The following NFE2L3 variants were observed in gnomAD, a reference collection of about 807,000 sequenced individuals.
NFE2L3 encodes the protein nuclear factor erythroid 2-related factor 3.
A neutral mutation model predicts 23.5 loss-of-function variants in NFE2L3; 18 were observed. That is an observed-to-expected ratio of 0.77 (90% CI 0.53 to 1.13). The LOEUF (loss-of-function observed/expected upper bound fraction) is 1.13, where lower values mean the gene tolerates loss of function less well. NFE2L3 is among the 50% of genes most tolerant of loss of function. The probability of loss-of-function intolerance (pLI) is 0.00; values close to 1 mark genes in which losing one functional copy is unlikely to be tolerated. For missense variants in NFE2L3, 1,152 were observed against 877.2 expected (o/e 1.31, Z -3.96); for synonymous variants, 424 against 354.5 (o/e 1.20, Z -2.20).
chr7:26,182,926 C>CT (rs1782360637), intron 2 of NFE2L3, among the ~76,000 whole-genome samples: 1 of 152,140 alleles, frequency 6.6e-6, no homozygotes, highest in African/African-American at 2.4e-5. Flanking sequence ...CCCGGAGTAG[C>CT]TGGGACCACA....
chr7:26,181,067 C>T (rs1784498707), intron 2 of NFE2L3, among the ~76,000 whole-genome samples: 1 of 152,096 alleles, frequency 6.6e-6, no homozygotes, highest in South Asian at 2.1e-4. Flanking sequence ...GCCTAAACCT[C>T]CTGGGCTCAG....
intron 2 of NFE2L3, among the ~76,000 whole-genome samples, chr7:26,182,565 T>C (rs558564890): frequency 6.9e-5 from 10 of 145,340 alleles, no homozygotes; most frequent in Non-Finnish European, 1.0e-4. Flanking sequence ...GAGGCGGAGA[T>C]TGCAGTGAGC....
At chr7:26,160,154 T>C (rs1287647733) in intron 1 of NFE2L3, among the ~76,000 whole-genome samples, 1 of 152,096 alleles carries the variant, frequency 6.6e-6, no homozygotes, top group Non-Finnish European at 1.5e-5. Context: ...GACAAGGTCT[T>C]GCCATGCTGC....
rs571944254 is a variant in NFE2L3 at position 26,181,990 on chromosome 7, C to G, written c.751-1711C>G. Among the ~76,000 whole-genome samples the G allele has an allele frequency of 5.3e-5, 8 of 151,968 alleles. No homozygotes were observed. In the South Asian group the frequency reaches 1.0e-3, roughly 20 times the overall value. On this transcript the variant is annotated intron_variant, in intron 2 of 3. Coordinates refer to ENST00000056233, the MANE Select transcript of NFE2L3 (RefSeq NM_004289.7). Reference sequence around the variant, plus strand: ...TGATAGAAGAGAAAAATCTAAGTTACTTCTAATAGGAGTCCCAGAAGAAAC... The same window carrying G: ...TGATAGAAGAGAAAAATCTAAGTTAGTTCTAATAGGAGTCCCAGAAGAAAC...
chr7:26,153,135 T>G (rs1583923186), intron 1 of NFE2L3, 67 bp downstream of exon 1: 1 of 1,443,594 alleles, frequency 6.9e-7, no homozygotes, highest in South Asian at 1.4e-5. Flanking sequence ...GAGGCTTGTG[T>G]CGGATCTGAG....
Position 26,185,054 on chromosome 7 carries a change from C to A in NFE2L3, c.1356C>A (p.Asp452Glu). 1.2e-6 allele frequency: 2 copies of A among 1,613,694 alleles called. No homozygotes were observed. The highest frequency in any genetic ancestry group is 1.7e-6 in the Non-Finnish European group (2 of 1,179,686). The change falls in exon 4 of 4, where the codon GAC becomes GAA. Residue 452 changes from aspartate to glutamate, a missense_variant. Transcript: ENST00000056233. ...CDEGAIGYCT[D>E]HESSSHHDLE... ...AAGGTGCTATAGGTTATTGCACTGA[C>A]CATGAATCTAGTTCCCATCATGACT... is the stretch of plus-strand genomic sequence containing the variant.
At chr7:26,169,775 C>T (rs1176041287) in intron 1 of NFE2L3, among the ~76,000 whole-genome samples, 1 of 152,224 alleles carries the variant, frequency 6.6e-6, no homozygotes, top group East Asian at 1.9e-4. Context: ...TTTCTTCCCT[C>T]AGTCTGTGGA....
chr7:26,170,061 C>G (rs1420751764), intron 1 of NFE2L3, among the ~76,000 whole-genome samples: 1 of 152,122 alleles, frequency 6.6e-6, no homozygotes, highest in Non-Finnish European at 1.5e-5. Context: ...TGCTTGTTGC[C>G]CAGCCTAATG....
intron 1 of NFE2L3, among the ~76,000 whole-genome samples, chr7:26,175,964 C>G (rs551690011): frequency 6.7e-6 from 1 of 150,032 alleles, no homozygotes; most frequent in African/African-American, 2.5e-5. Context: ...CAGATAAACA[C>G]GTGAACAAAG....
In NFE2L3 at chr7:26,186,858, TTAAGTTCACTAGAACAGTA is replaced by T; in HGVS notation, c.*1076_*1094del. On this transcript the variant is annotated 3_prime_UTR_variant, in exon 4 of 4. Coordinates refer to ENST00000056233, the MANE Select transcript of NFE2L3 (RefSeq NM_004289.7). ...ATAGCATTTGAAATGAAAACCTCAC[TTAAGTTCACTAGAACAGTA>T]AACAGGAGATTGCTGAATTTTTTGA... is the stretch of plus-strand genomic sequence containing the variant. 1 of 152,294 alleles carries T rather than the reference TTAAGTTCACTAGAACAGTA, an allele frequency of 6.6e-6. No individual in the cohort carries two copies. Among genetic ancestry groups the T allele is most frequent in the Middle Eastern group, 3.4e-3 (1 of 294 alleles). The allele number at this position is 152,294 out of a possible 1,614,324, so 9.4% of individuals were successfully genotyped here. A position where few individuals can be genotyped will look rare whatever the true frequency, so the allele number is the denominator to read the frequency against.
chr7:26,175,975 G>T (rs1784398267), intron 1 of NFE2L3, among the ~76,000 whole-genome samples: 1 of 151,326 alleles, frequency 6.6e-6, no homozygotes, highest in South Asian at 2.1e-4. Context: ...GTGAACAAAG[G>T]TCTCTGGTTT....
intron 1 of NFE2L3, among the ~76,000 whole-genome samples, chr7:26,156,921 G>A (rs1180870458): frequency 5.3e-5 from 8 of 152,076 alleles, no homozygotes; most frequent in Admixed American, 3.3e-4. Flanking sequence ...GACCATCCTA[G>A]CCAACACGGT....
chr7:26,155,335 G>A (rs768874586), intron 1 of NFE2L3, among the ~76,000 whole-genome samples: 14 of 152,160 alleles, frequency 9.2e-5, no homozygotes, highest in Non-Finnish European at 1.8e-4. Context: ...CCAGCTACTC[G>A]GGAGGCTGAG....
intron 3 of NFE2L3, 129 bp from the exon 4 acceptor site, chr7:26,184,404 T>C: frequency 2.5e-6 from 2 of 799,278 alleles, no homozygotes; most frequent in Non-Finnish European, 4.1e-6. Context: ...AGGAAGTTAC[T>C]GCCAACAGCA....
At chr7:26,154,248 T>C (rs1784048150) in intron 1 of NFE2L3, among the ~76,000 whole-genome samples, 1 of 152,192 alleles carries the variant, frequency 6.6e-6, no homozygotes, top group Non-Finnish European at 1.5e-5. Flanking sequence ...CAGGATATAC[T>C]GTGGGAGGTT....
At chr7:26,183,178 G>A (rs1220542544) in intron 2 of NFE2L3, among the ~76,000 whole-genome samples, 1 of 152,176 alleles carries the variant, frequency 6.6e-6, no homozygotes, top group Non-Finnish European at 1.5e-5. Flanking sequence ...TTACATGGAA[G>A]TTGTTTATGG....
intron 1 of NFE2L3, among the ~76,000 whole-genome samples, chr7:26,168,647 C>T (rs1784288804): frequency 6.6e-6 from 1 of 151,478 alleles, no homozygotes; most frequent in South Asian, 2.1e-4. Context: ...GCTGATACCA[C>T]ATTTTTGGAA....
intron 2 of NFE2L3, among the ~76,000 whole-genome samples, chr7:26,180,953 G>A (rs902245982): frequency 2.6e-5 from 4 of 151,692 alleles, no homozygotes; most frequent in Admixed American, 6.6e-5. Context: ...TCACATCTTC[G>A]TGTACTTAAC....
rs578086652 is a variant in NFE2L3, at chr7:26,153,047, C to G, written c.549C>G (p.Asp183Glu). 1,704 of 1,526,292 alleles carry G rather than the reference C, an allele frequency of 1.1e-3. 31 individuals carry two copies. The South Asian group carries it at 0.019, about 17-fold the overall frequency. 94.5% of individuals were successfully genotyped at this position (1,526,292 alleles called of 1,614,324 possible). The change falls in exon 1 of 4, where the codon GAC becomes GAG. Residue 183 changes from aspartate (D) to glutamate (E), a missense_variant. By Grantham distance (45) the Asp-to-Glu change is conservative. Coordinates refer to ENST00000056233, the MANE Select transcript of NFE2L3 (RefSeq NM_004289.7). ...APAEPTAQVP[D>E]AGGCASEENG... ...CGGAACCGACGGCTCAGGTGCCGGA[C>G]GCTGGCGGATGTGCGAGCGAGGTAG...
Sources: allele counts gnomAD v4.1 joint callset (sites outside exome capture counted in the v4.1 genomes callset), GRCh38; gene constraint gnomAD v4.1.1; transcripts MANE v1.5; gene names NCBI Gene and HGNC (gene_info 2026-07-23, HGNC 2026-07-21).